Variants in CEP104 observed in about 807,000 individuals in gnomAD.
The protein encoded by CEP104 is centrosomal protein of 104 kDa.
A neutral mutation model predicts 113.3 loss-of-function variants in CEP104; 84 were observed. That is an observed-to-expected ratio of 0.74 (90% CI 0.62 to 0.89). The LOEUF (loss-of-function observed/expected upper bound fraction) is 0.89. CEP104 is among the 40% of genes least tolerant of loss of function. The probability of loss-of-function intolerance (pLI) is 0.00; values close to 1 mark genes in which losing one functional copy is unlikely to be tolerated. For missense variants in CEP104, 1,053 were observed against 1,156.6 expected, an observed-to-expected ratio of 0.91 and a Z score of 1.30; for synonymous variants, 378 against 421.7, an observed-to-expected ratio of 0.90 and a Z score of 1.27.
In CEP104 at chr1:3,825,261, CCACAA is replaced by C. The variant is rs1197985784; in HGVS notation, c.2364+492_2364+496del. Among the ~76,000 whole-genome samples, 5 of 152,152 alleles carry C rather than the reference CCACAA, an allele frequency of 3.3e-5. No individual in the cohort carries two copies. In the East Asian group the frequency reaches 9.6e-4, roughly 29 times the overall value. Reference sequence around the variant, plus strand: ...CTGAGCATCAGCACACCTGGCAATCCCACAACACATTGTGAACCCAAGAAAGTGCA... The same window carrying C: ...CTGAGCATCAGCACACCTGGCAATCCCACATTGTGAACCCAAGAAAGTGCA... On this transcript the variant is annotated intron_variant, in intron 18 of 21. Transcript: ENST00000378230.
At chr1:3,834,412 A>G (rs575845147) in intron 11 of CEP104, among the ~76,000 whole-genome samples, 1 of 151,732 alleles carries the variant, frequency 6.6e-6, no homozygotes, top group Non-Finnish European at 1.5e-5. Flanking sequence ...GTAAGCCCAA[A>G]TCTTCCCTTC....
At chr1:3,849,394 T>C (rs1465843723) in intron 2 of CEP104, among the ~76,000 whole-genome samples, 4 of 151,650 alleles carry the variant, frequency 2.6e-5, no homozygotes, top group Non-Finnish European at 2.9e-5. Context: ...TCCTGAGGAG[T>C]TGGGACCACA....
intron 12 of CEP104, among the ~76,000 whole-genome samples, chr1:3,832,987 C>CTTCT (rs371697270): frequency 1.4e-5 from 2 of 140,242 alleles, no homozygotes; most frequent in African/African-American, 5.3e-5. Flanking sequence ...GGCCTGGATT[C>CTTCT]TTTTTTTTTT....
intron 8 of CEP104, among the ~76,000 whole-genome samples, chr1:3,838,722 G>T (rs981872290): frequency 6.6e-6 from 1 of 152,190 alleles, no homozygotes; most frequent in Admixed American, 6.5e-5. Context: ...AAGCAGCAGG[G>T]CCTCGGTTTT....
At chr1:3,816,057 T>C in intron 21 of CEP104, 1 of 502,574 alleles carries the variant, frequency 2.0e-6, no homozygotes, top group Non-Finnish European at 3.5e-6. Context: ...CGTGGAGCCT[T>C]CGCACTGCAC....
intron 12 of CEP104, among the ~76,000 whole-genome samples, chr1:3,832,156 C>T (rs1195110766): frequency 6.6e-6 from 1 of 152,336 alleles, no homozygotes; most frequent in South Asian, 2.1e-4. Flanking sequence ...TGCTCATTTG[C>T]AACATATCTT....
intron 2 of CEP104, among the ~76,000 whole-genome samples, chr1:3,849,331 T>C (rs1399483729): frequency 6.6e-6 from 1 of 151,314 alleles, no homozygotes; most frequent in Non-Finnish European, 1.5e-5. Flanking sequence ...GGTGTGATTA[T>C]GGCTCACTGC....
intron 20 of CEP104, among the ~76,000 whole-genome samples, chr1:3,816,714 C>T (rs957240733): frequency 1.3e-5 from 2 of 152,272 alleles, no homozygotes; most frequent in Non-Finnish European, 2.9e-5. Flanking sequence ...CGCGTGATTA[C>T]GTTCCAGGCC....
chr1:3,843,311 G>T, intron 6 of CEP104: 1 of 639,428 alleles, frequency 1.6e-6, no homozygotes, highest in South Asian at 1.7e-5. Flanking sequence ...ATTCACCCCC[G>T]GTTCTTACAC....
rs149082134 is a variant in CEP104 at position 3,842,582 on chromosome 1, G to C, written c.566+2325C>G. On this transcript the variant is annotated intron_variant, in intron 6 of 21. Coordinates refer to ENST00000378230, the MANE Select transcript of CEP104 (RefSeq NM_014704.4). ...TCCTGAGCAACTGCAGAGAGAATCT[G>C]ATCCAGGTTGTGTGCAAATAGAAGA... Among the ~76,000 whole-genome samples, 53 of 152,306 alleles carry C rather than the reference G, an allele frequency of 3.5e-4. 1 individual carries two copies. Among genetic ancestry groups the C allele is most frequent in the African/African-American group, 1.3e-3 (53 of 41,564 alleles).
chr1:3,853,074 C>T (rs1644647864), intron 1 of CEP104, among the ~76,000 whole-genome samples: 1 of 152,170 alleles, frequency 6.6e-6, no homozygotes, highest in Admixed American at 6.5e-5. Flanking sequence ...TGATATTTTG[C>T]TATGTCTAGA....
chr1:3,839,509 G>T, intron 7 of CEP104, 99 bp downstream of exon 7: 2 of 1,123,558 alleles, frequency 1.8e-6, no homozygotes. Context: ...TAACTTCACG[G>T]CTTTTAGTAA....
intron 13 of CEP104, among the ~76,000 whole-genome samples, chr1:3,830,278 C>T (rs917140221): frequency 6.6e-6 from 1 of 152,044 alleles, no homozygotes; most frequent in Non-Finnish European, 1.5e-5. Flanking sequence ...CACAGTTTCT[C>T]ATCCTCCTTG....
intron 5 of CEP104, 143 bp from the exon 6 acceptor site, chr1:3,845,126 GAA>G: frequency 2.3e-6 from 2 of 874,980 alleles, no homozygotes; most frequent in Non-Finnish European, 3.6e-6. Context: ...AACTGTTAAA[GAA>G]AAGTTTCATA....
intron 20 of CEP104, among the ~76,000 whole-genome samples, chr1:3,822,586 G>A (rs1163616761): frequency 1.3e-5 from 2 of 152,194 alleles, no homozygotes; most frequent in Non-Finnish European, 2.9e-5. Context: ...GTGTTGGACA[G>A]GGCCAGAATA....
intron 4 of CEP104, among the ~76,000 whole-genome samples, chr1:3,846,183 T>C (rs4307512): frequency 0.3 from 46,089 of 151,540 alleles, 8,225 homozygotes; most frequent in African/African-American, 0.49. Context: ...TGAGATTCAG[T>C]ATGGAGCTCA....
Position 3,836,490 on chromosome 1 carries a change from T to TA in CEP104, c.1317+4_1317+5insT. ...CCCGTTTTTTTTTTTTTTTTTTTTT[T>TA]TTACCAAGGTTTCTCCCAACACATC... On this transcript the variant is annotated splice_donor_region_variant and intron_variant, in intron 10 of 21. Coordinates refer to ENST00000378230, the MANE Select transcript of CEP104 (RefSeq NM_014704.4). 6.4e-7 allele frequency: 1 copy of TA among 1,555,006 alleles called. No homozygotes were observed. Among genetic ancestry groups the TA allele is most frequent in the Non-Finnish European group, 8.6e-7 (1 of 1,161,044 alleles).
intron 20 of CEP104, among the ~76,000 whole-genome samples, chr1:3,822,019 C>G (rs9424289): frequency 6.6e-6 from 1 of 152,098 alleles, no homozygotes; most frequent in African/African-American, 2.4e-5. Context: ...CCGAAAGCTC[C>G]GACGGGAACA....
In CEP104 at chr1:3,828,711, C is replaced by G. The variant is rs1015026227; in HGVS notation, c.2151+555G>C. Among the ~76,000 whole-genome samples, 12 of 152,226 alleles carry G rather than the reference C, an allele frequency of 7.9e-5. No individual in the cohort carries two copies. The South Asian group carries it at 2.5e-3, about 32-fold the overall frequency. ...TATATCTTTTTTTTAAGGAAATTTT[C>G]TTTCAACTGAAGGAAACTTCATCAT... On this transcript the variant is annotated intron_variant, in intron 15 of 21. Coordinates refer to ENST00000378230, the MANE Select transcript of CEP104 (RefSeq NM_014704.4).
Sources: allele counts gnomAD v4.1 joint callset (sites outside exome capture counted in the v4.1 genomes callset), GRCh38; gene constraint gnomAD v4.1.1; transcripts MANE v1.5; gene names NCBI Gene and HGNC (gene_info 2026-07-23, HGNC 2026-07-21).